DLL4: variants seen among roughly 807,000 people sequenced by gnomAD.
DLL4 encodes the protein delta-like protein 4.
In DLL4, 7 loss-of-function variants were observed where a neutral mutation model predicts 73.6. That is an observed-to-expected ratio of 0.10 (90% CI 0.05 to 0.18). The LOEUF (loss-of-function observed/expected upper bound fraction) is 0.18. DLL4 is among the 10% of genes least tolerant of loss of function. The probability of loss-of-function intolerance (pLI) is 1.00; values close to 1 mark genes in which losing one functional copy is unlikely to be tolerated. For missense variants in DLL4, 614 were observed against 929.9 expected (o/e 0.66, Z 4.42); for synonymous variants, 345 against 374.3 (o/e 0.92, Z 0.90).
chr15:40,931,240 C>T (rs1464669976), intron 3 of DLL4: 1 of 550,774 alleles, frequency 1.8e-6, no homozygotes, highest in East Asian at 3.0e-5. Context: ...GCCTCCAAGA[C>T]CCTGGGATAT....
chr15:40,934,081 C>T (rs12591675), intron 6 of DLL4, among the ~76,000 whole-genome samples: 66,855 of 147,958 alleles, frequency 0.45, 15,654 homozygotes, highest in South Asian at 0.69. Context: ...CCTGTAATCC[C>T]AGCACTTTGG....
At position 40,931,607 on chromosome 15, in the gene DLL4, C is replaced by T. The variant is rs1468519974; in HGVS notation, c.499C>T (p.Leu167=). 5 of 1,613,084 alleles carry T rather than the reference C, an allele frequency of 3.1e-6. No individual in the cohort carries two copies. Among genetic ancestry groups the T allele is most frequent in the African/African-American group, 1.3e-5 (1 of 74,938 alleles). ...LDEQTSTLTR[L]RYSYRVICSD... ...TGAGCAAACCAGCACCCTCACAAGG[C>T]TGCGCTACTCTTACCGGGTCATCTG... is the stretch of plus-strand genomic sequence containing the variant. The change falls in exon 4 of 11, where the codon CTG becomes TTG. Residue 167 remains leucine, a synonymous_variant. Transcript: ENST00000249749.
Position 40,929,697 on chromosome 15 carries a change from G to A in DLL4, c.29G>A (p.Gly10Asp). The part of the protein sequence containing the change: MAAASRSAS[G>D]WALLLLVALW... ...GCGGCAGCGTCCCGGAGCGCCTCTG[G>A]CTGGGCGCTACTGCTGCTGGTGGCA... is the stretch of plus-strand genomic sequence containing the variant. The change falls in exon 1 of 11, where the codon GGC becomes GAC. Residue 10 changes from glycine to aspartate, a missense_variant. Around this residue, in one of 3 missense-constraint regions of DLL4, gnomAD observed 227 missense variants for 370.8 expected, o/e 0.61. Coordinates refer to ENST00000249749, the MANE Select transcript of DLL4 (RefSeq NM_019074.4). The surrounding 1 kb of genome is among the most constrained non-coding windows in gnomAD (Gnocchi z 7.1). 1 of 1,584,072 alleles carries A rather than the reference G, an allele frequency of 6.3e-7. No individual in the cohort carries two copies.
intron 10 of DLL4, among the ~76,000 whole-genome samples, chr15:40,937,806 C>G (rs1892865986): frequency 6.6e-6 from 1 of 152,192 alleles, no homozygotes; most frequent in Non-Finnish European, 1.5e-5. Context: ...GCCCCTCACC[C>G]CTTGTGCCCT....
Position 40,934,794 on chromosome 15 carries a change from T to C in DLL4, c.1020+77T>C, listed in dbSNP as rs1197381612. On this transcript the variant is annotated intron_variant, in intron 7 of 10. Transcript: ENST00000249749. ...ATCCCTAACCTAGGCAGTTAGTGGA[T>C]GTACAGCCATGGACAGGCATTGTGG... is the stretch of plus-strand genomic sequence containing the variant. The C allele has an allele frequency of 4.4e-6, 7 of 1,586,984 alleles. No individual in the cohort carries two copies. The Admixed American group carries it at 5.1e-5, about 12-fold the overall frequency.
chr15:40,929,862 G>A lies in DLL4; in HGVS notation c.82G>A (p.Gly28Ser), dbSNP rs1373760209. The A allele has an allele frequency of 5.0e-6, 8 of 1,611,672 alleles. No homozygotes were observed. The highest frequency in any genetic ancestry group is 2.2e-5 in the East Asian group (1 of 44,884). ...ALWQQRAAGS[G>S]VFQLQLQEFI... is the part of the protein sequence containing the mutation. ...TGTGCAATAGCGCGCGGCCGGCTCC[G>A]GCGTCTTCCAGCTGCAGCTGCAGGA... The change falls in exon 2 of 11, where the codon GGC becomes AGC. Residue 28 changes from glycine (G) to serine (S), a missense_variant. Coordinates refer to ENST00000249749, the MANE Select transcript of DLL4 (RefSeq NM_019074.4). This position sits in a 1 kb window ranked among gnomAD's most constrained non-coding sequence, Gnocchi z 7.1.
Position 40,936,920 on chromosome 15 carries a change from C to T in DLL4, c.1933C>T (p.Arg645Trp), listed in dbSNP as rs376834211. 19 of 1,599,010 alleles carry T rather than the reference C, an allele frequency of 1.2e-5. No individual in the cohort carries two copies. Among genetic ancestry groups the T allele is most frequent in the Admixed American group, 5.2e-5 (3 of 57,854 alleles). Reference sequence around the variant, plus strand: ...GAGCTTAGGAGAGAAGGCGCCACTGCGGTTACACAGGTGAGTGGCACCCAG... The same window carrying T: ...GAGCTTAGGAGAGAAGGCGCCACTGTGGTTACACAGGTGAGTGGCACCCAG... The part of the protein sequence containing the change: ...DKSLGEKAPL[R>W]LHSEKPECRI... Residue 645 changes from arginine to tryptophan, a missense_variant, in exon 9 of 11, where the codon CGG becomes TGG. Arg to Trp is a moderately radical substitution (Grantham distance 101, BLOSUM62 -3). Transcript: ENST00000249749.
chr15:40,937,450 G>T lies in DLL4; in HGVS notation c.1976G>T (p.Cys659Phe). 1 of 1,613,726 alleles carries T rather than the reference G, an allele frequency of 6.2e-7. No individual in the cohort carries two copies. The highest frequency in any genetic ancestry group is 1.3e-5 in the African/African-American group (1 of 75,044). ...EKPECRISAI[C>F]SPRDSMYQSV... ...CCAGAGTGTCGGATATCAGCGATATGCTCCCCCAGGGACTCCATGTACCAG... is the reference window on the plus strand; with the variant it reads ...CCAGAGTGTCGGATATCAGCGATATTCTCCCCCAGGGACTCCATGTACCAG... Residue 659 changes from cysteine (C) to phenylalanine (F), a missense_variant, in exon 10 of 11, where the codon TGC becomes TTC. Around this residue, in one of 3 missense-constraint regions of DLL4, gnomAD observed 386 missense variants for 541.3 expected, o/e 0.71. Transcript: ENST00000249749.
chr15:40,929,631 T>C lies in DLL4; in HGVS notation c.-38T>C, dbSNP rs962953643. 2.7e-6 allele frequency: 4 copies of C among 1,492,718 alleles called. No individual in the cohort carries two copies. Among genetic ancestry groups the C allele is most frequent in the Admixed American group, 2.4e-5 (1 of 41,256 alleles). 92.5% of individuals were successfully genotyped at this position (1,492,718 alleles called of 1,614,324 possible). On this transcript the variant is annotated 5_prime_UTR_variant, in exon 1 of 11. Coordinates refer to ENST00000249749, the MANE Select transcript of DLL4 (RefSeq NM_019074.4). This position sits in a 1 kb window ranked among gnomAD's most constrained non-coding sequence, Gnocchi z 7.1. Reference sequence around the variant, plus strand: ...AAGCGGCGTCGCGAACAGAGCCAGATTGAGGGCCCGCGGGTGGAGAGAGCG... The same window carrying C: ...AAGCGGCGTCGCGAACAGAGCCAGACTGAGGGCCCGCGGGTGGAGAGAGCG...
chr15:40,937,561 G>C (rs764160385), intron 10 of DLL4, 35 bp downstream of exon 10: 1 of 1,477,872 alleles, frequency 6.8e-7, no homozygotes, highest in South Asian at 1.1e-5. Context: ...TCTGCCTTTT[G>C]TGGGAGGGAA....
chr15:40,929,560 G>A lies in DLL4; in HGVS notation c.-109G>A. On this transcript the variant is annotated 5_prime_UTR_variant, in exon 1 of 11. Transcript: ENST00000249749. This position sits in a 1 kb window ranked among gnomAD's most constrained non-coding sequence, Gnocchi z 7.1. ...GCCAAAGGGGAGCAGCGTCCCGAGA[G>A]GAGCGCCTCTTTTCAGGGACCCCGC... 5 of 1,031,550 alleles carry A rather than the reference G, an allele frequency of 4.8e-6. No individual in the cohort carries two copies. The South Asian group carries it at 8.4e-5, about 17-fold the overall frequency. 63.9% of individuals were successfully genotyped at this position (1,031,550 alleles called of 1,614,324 possible). A position where few individuals can be genotyped will look rare whatever the true frequency, so the allele number is the denominator to read the frequency against.
intron 6 of DLL4, among the ~76,000 whole-genome samples, chr15:40,933,698 T>G (rs1041862798): frequency 6.6e-6 from 1 of 152,152 alleles, no homozygotes; most frequent in African/African-American, 2.4e-5. Flanking sequence ...CTTCCTTATC[T>G]TCATCCTACT....
chr15:40,937,379 C>A, intron 9 of DLL4, 39 bp from the exon 10 acceptor site: 1 of 1,449,272 alleles, frequency 6.9e-7, no homozygotes, highest in Non-Finnish European at 9.7e-7. Flanking sequence ...CAAGCCTCTC[C>A]CCGTCCCTCC....
chr15:40,930,731 GA>G lies in DLL4; in HGVS notation c.394+52del, dbSNP rs752937068. The G allele has an allele frequency of 2.5e-6, 4 of 1,578,176 alleles. No homozygotes were observed. In the East Asian group the frequency reaches 9.0e-5, roughly 35 times the overall value. On this transcript the variant is annotated intron_variant, in intron 3 of 10. Transcript: ENST00000249749. This position sits in a 1 kb window ranked among gnomAD's most constrained non-coding sequence, Gnocchi z 5.7. ...CAGGGGGGCGACACGGCGCAGCGCC[GA>G]AAGAGTTAATCTGTTCTAGGCGGGG...
intron 8 of DLL4, among the ~76,000 whole-genome samples, chr15:40,935,679 C>T (rs1029380276): frequency 1.3e-5 from 2 of 152,210 alleles, no homozygotes; most frequent in African/African-American, 4.8e-5. Context: ...AGGGAGTCTG[C>T]TCTCTCACTG....
In DLL4 at chr15:40,936,941, C is replaced by A; in HGVS notation, c.1943+11C>A. 1 of 1,566,754 alleles carries A rather than the reference C, an allele frequency of 6.4e-7. No individual in the cohort carries two copies. The highest frequency in any genetic ancestry group is 8.6e-7 in the Non-Finnish European group (1 of 1,157,794). ...ACTGCGGTTACACAGGTGAGTGGCA[C>A]CCAGAAGCCCAGGGCCTGGCCACCG... On this transcript the variant is annotated intron_variant, in intron 9 of 10. Transcript: ENST00000249749.
intron 10 of DLL4, 101 bp from the exon 11 acceptor site, chr15:40,937,928 C>G (rs1892868031): frequency 1.4e-6 from 2 of 1,462,436 alleles, no homozygotes; most frequent in African/African-American, 2.8e-5. Flanking sequence ...CCCTTAGCCC[C>G]TGCCTGCCCC....
chr15:40,933,520 TCTTC>T (rs1892800480), intron 6 of DLL4, among the ~76,000 whole-genome samples: 2 of 152,172 alleles, frequency 1.3e-5, no homozygotes, highest in Admixed American at 1.3e-4. Context: ...TTGTAACACC[TCTTC>T]CTTTAAAAAA....
rs371229496 is a variant in DLL4, at chr15:40,934,541, T to A, written c.851-7T>A. 1.2e-6 allele frequency: 2 copies of A among 1,613,096 alleles called. No individual in the cohort carries two copies. Among genetic ancestry groups the A allele is most frequent in the African/African-American group, 2.7e-5 (2 of 74,850 alleles). On this transcript the variant is annotated splice_polypyrimidine_tract_variant and splice_region_variant and intron_variant, in intron 6 of 10. Transcript: ENST00000249749. ...CCTGCTCAGCTGCTTGGTTCCTGTTTCTGCAGATCTCAACTACTGCACCCA... is the reference window on the plus strand; with the variant it reads ...CCTGCTCAGCTGCTTGGTTCCTGTTACTGCAGATCTCAACTACTGCACCCA...
Sources: allele counts gnomAD v4.1 joint callset (sites outside exome capture counted in the v4.1 genomes callset), GRCh38; gene constraint gnomAD v4.1.1; regional missense constraint gnomAD v4.1.1; non-coding constraint Gnocchi (gnomAD v3.1); transcripts MANE v1.5; gene names NCBI Gene and HGNC (gene_info 2026-07-23, HGNC 2026-07-21).